Variants in MSH3 observed in about 807,000 individuals in gnomAD.
MSH3 encodes mutS homolog 3, also known as DNA mismatch repair protein Msh3.
MSH3 carries 106 observed loss-of-function variants against 123.3 expected under a neutral mutation model. The observed-to-expected ratio is 0.86, with a 90% confidence interval of 0.73 to 1.01. The LOEUF (loss-of-function observed/expected upper bound fraction) is 1.01. Among genes scored for constraint, MSH3 ranks in the 50% least tolerant of loss-of-function variants. The probability of loss-of-function intolerance (pLI) is 0.00; values close to 1 mark genes in which losing one functional copy is unlikely to be tolerated. For synonymous variants in MSH3, 515 were observed against 481.4 expected (o/e 1.07, Z -0.91); for missense variants, 1,459 against 1,347.6 (o/e 1.08, Z -1.29).
chr5:80,676,129 C>T (rs1749834654), intron 7 of MSH3, among the ~76,000 whole-genome samples: 1 of 152,164 alleles, frequency 6.6e-6, no homozygotes, highest in Non-Finnish European at 1.5e-5. Context: ...CTCCTAGGTT[C>T]AAGCAATTCT....
At position 80,658,458 on chromosome 5, in the gene MSH3, GA is replaced by G. The variant is rs1749348172; in HGVS notation, c.358+1928del. ...TAACTAAGACCACATGGGGACAGTT[GA>G]GATGGAATGTTGTTGAAATAAGACA... On this transcript the variant is annotated intron_variant, in intron 2 of 23. Transcript: ENST00000265081. 2.6e-5 allele frequency among the ~76,000 whole-genome samples: 4 copies of G among 152,328 alleles called. No individual in the cohort carries two copies. The South Asian group carries it at 8.3e-4, about 32-fold the overall frequency.
chr5:80,800,277 T>G (rs1251004082), intron 19 of MSH3, among the ~76,000 whole-genome samples: 1 of 152,226 alleles, frequency 6.6e-6, no homozygotes, highest in Non-Finnish European at 1.5e-5. Context: ...CCCTTTAGTT[T>G]CTTGAGAACT....
At chr5:80,842,669 A>G (rs1745648436) in intron 20 of MSH3, among the ~76,000 whole-genome samples, 1 of 152,128 alleles carries the variant, frequency 6.6e-6, no homozygotes. Context: ...TCTTTGTAGT[A>G]ATTGTGAATG....
chr5:80,835,222 T>A (rs1745487685), intron 20 of MSH3, among the ~76,000 whole-genome samples: 1 of 152,204 alleles, frequency 6.6e-6, no homozygotes, highest in South Asian at 2.1e-4. Flanking sequence ...AATTGGCTTT[T>A]GTTGTTTACA....
At chr5:80,730,892 A>ATTTTTTTTTTTTTTTT in intron 10 of MSH3, among the ~76,000 whole-genome samples, 1 of 105,462 alleles carries the variant, frequency 9.5e-6, no homozygotes, top group Admixed American at 9.4e-5. Flanking sequence ...ATATATATAT[A>ATTTTTTTTTTTTTTTT]TATTTTTTTT....
chr5:80,676,870 A>G (rs1410955518), intron 7 of MSH3, among the ~76,000 whole-genome samples: 4 of 152,258 alleles, frequency 2.6e-5, no homozygotes, highest in Non-Finnish European at 4.4e-5. Flanking sequence ...TAGTGCATTT[A>G]GAAATACCAT....
At chr5:80,778,985 T>G in intron 17 of MSH3, 149 bp downstream of exon 17, 1 of 574,542 alleles carries the variant, frequency 1.7e-6, no homozygotes, top group Non-Finnish European at 3.0e-6. Flanking sequence ...TATTTCTTTT[T>G]TTTTTTTTTT....
At chr5:80,862,472 A>T (rs1286470979) in intron 21 of MSH3, among the ~76,000 whole-genome samples, 1 of 152,302 alleles carries the variant, frequency 6.6e-6, no homozygotes, top group South Asian at 2.1e-4. Flanking sequence ...TAAAGAATCC[A>T]TGAGACTGGG....
At chr5:80,674,363 G>C (rs546063334) in intron 6 of MSH3, among the ~76,000 whole-genome samples, 1 of 152,062 alleles carries the variant, frequency 6.6e-6, no homozygotes, top group African/African-American at 2.4e-5. Flanking sequence ...GTTTTCTCAT[G>C]TCTTTAAAAA....
In MSH3 at chr5:80,801,399, AG is replaced by A. The variant is rs6151867; in HGVS notation, c.2655+8556del. Reference sequence around the variant, plus strand: ...GTCTTTTTTCCTGCTGGTGTTTACTAGAGTGCCTGATGTACAACTTATCTCG... The same window carrying A: ...GTCTTTTTTCCTGCTGGTGTTTACTAAGTGCCTGATGTACAACTTATCTCG... On this transcript the variant is annotated intron_variant, in intron 19 of 23. Coordinates refer to ENST00000265081, the MANE Select transcript of MSH3 (RefSeq NM_002439.5). 4.4e-3 allele frequency among the ~76,000 whole-genome samples: 670 copies of A among 152,268 alleles called. 3 individuals carry two copies. The highest frequency in any genetic ancestry group is 0.01 in the Middle Eastern group (3 of 294).
intron 20 of MSH3, among the ~76,000 whole-genome samples, chr5:80,837,424 C>G (rs773763099): frequency 1.3e-5 from 2 of 151,966 alleles, no homozygotes; most frequent in Non-Finnish European, 2.9e-5. Context: ...ACCAAAAATA[C>G]AAAAATTAGC....
chr5:80,805,350 A>G (rs562932273), intron 19 of MSH3, among the ~76,000 whole-genome samples: 1 of 152,306 alleles, frequency 6.6e-6, no homozygotes, highest in African/African-American at 2.4e-5. Context: ...TTCTCCATAC[A>G]CTTAAGTCTT....
At chr5:80,844,364 A>G (rs1018812262) in intron 20 of MSH3, among the ~76,000 whole-genome samples, 9 of 152,174 alleles carry the variant, frequency 5.9e-5, no homozygotes, top group Admixed American at 4.6e-4. Flanking sequence ...GCTGAGAAGA[A>G]TGTATTTTCT....
intron 20 of MSH3, among the ~76,000 whole-genome samples, chr5:80,845,561 T>C (rs1301062253): frequency 1.3e-5 from 2 of 152,230 alleles, no homozygotes; most frequent in Non-Finnish European, 2.9e-5. Context: ...ATTTGGTCTT[T>C]TCACATAGTC....
intron 8 of MSH3, among the ~76,000 whole-genome samples, chr5:80,702,710 A>AT (rs753169687): frequency 2.9e-3 from 213 of 72,284 alleles, no homozygotes; most frequent in Admixed American, 5.1e-3. Context: ...GAAATAATTT[A>AT]TTTAAAAAAA....
intron 13 of MSH3, among the ~76,000 whole-genome samples, chr5:80,767,636 A>AT (rs1744145229): frequency 6.6e-6 from 1 of 152,040 alleles, no homozygotes; most frequent in Non-Finnish European, 1.5e-5. Context: ...TATCCTTCAC[A>AT]TTTTTTAACT....
chr5:80,869,815 T>TATACAC (rs1454417060), intron 22 of MSH3, among the ~76,000 whole-genome samples: 1 of 85,388 alleles, frequency 1.2e-5, no homozygotes, highest in Admixed American at 1.4e-4. Flanking sequence ...CATATATACA[T>TATACAC]ATATATATAC....
chr5:80,819,118 G>A (rs1422983164), intron 20 of MSH3, among the ~76,000 whole-genome samples: 2 of 151,862 alleles, frequency 1.3e-5, no homozygotes, highest in East Asian at 3.9e-4. Flanking sequence ...GTAGAATGGA[G>A]TAGAAGAAAA....
intron 12 of MSH3, among the ~76,000 whole-genome samples, chr5:80,755,128 T>C (rs1743902768): frequency 6.6e-6 from 1 of 152,156 alleles, no homozygotes; most frequent in South Asian, 2.1e-4. Context: ...CTGTGTTTGA[T>C]TGGGACTGAC....
Sources: allele counts gnomAD v4.1 joint callset (sites outside exome capture counted in the v4.1 genomes callset), GRCh38; gene constraint gnomAD v4.1.1; transcripts MANE v1.5; gene names NCBI Gene and HGNC (gene_info 2026-07-23, HGNC 2026-07-21).